Variants in MICAL2 observed in about 807,000 individuals in gnomAD.
The protein encoded by MICAL2 is microtubule associated monooxygenase, calponin and LIM domain containing 2.
Under a neutral mutation model 127.3 loss-of-function variants are expected in MICAL2, and 77 were observed. The ratio of observed to expected loss-of-function variants is 0.60; its 90% CI spans 0.50 to 0.73. MICAL2 has a LOEUF of 0.73. Ranked by LOEUF, MICAL2 falls within the 30% of genes least tolerant of loss-of-function variation. The probability of loss-of-function intolerance (pLI) is 0.00; values close to 1 mark genes in which losing one functional copy is unlikely to be tolerated. For synonymous variants in MICAL2, 570 were observed against 551.1 expected, an observed-to-expected ratio of 1.03 and a Z score of -0.48; for missense variants, 1,351 against 1,434.4, an observed-to-expected ratio of 0.94 and a Z score of 0.94.
intron 10 of MICAL2, among the ~76,000 whole-genome samples, chr11:12,222,199 G>A (rs972437270): frequency 3.9e-4 from 60 of 152,182 alleles, no homozygotes; most frequent in African/African-American, 1.4e-3. Context: ...TGCTGGCCAC[G>A]TGGCTGTGAC....
At chr11:12,141,913 C>T (rs936666476) in intron 2 of MICAL2, among the ~76,000 whole-genome samples, 4 of 152,226 alleles carry the variant, frequency 2.6e-5, no homozygotes, top group African/African-American at 4.8e-5. Flanking sequence ...GTGGATTTGT[C>T]TCTAACATTT....
chr11:12,338,748 A>G (rs1435295677), intron 32 of MICAL2, among the ~76,000 whole-genome samples: 1 of 152,214 alleles, frequency 6.6e-6, no homozygotes, highest in Non-Finnish European at 1.5e-5. Context: ...TTCTGGGTTG[A>G]AAATTCTTTT....
chr11:12,156,315 ATGGAAAGGGGCT>A (rs1335603964), intron 2 of MICAL2, among the ~76,000 whole-genome samples: 2 of 152,202 alleles, frequency 1.3e-5, no homozygotes, highest in African/African-American at 2.4e-5. Context: ...TTCAGTGTGC[ATGGAAAGGGGCT>A]TGGGCTTCCT....
downstream of MICAL2, chr11:12,292,095 T>A (rs950411813): frequency 8.9e-6 from 14 of 1,571,092 alleles, no homozygotes; most frequent in Middle Eastern, 1.7e-4. Context: ...CTTTTCTTGA[T>A]AAAATAATAA....
At chr11:12,360,589 A>C (rs529970302), downstream of MICAL2, among the ~76,000 whole-genome samples, 216 of 152,346 alleles carry the variant, frequency 1.4e-3, 2 homozygotes, top group African/African-American at 5.1e-3. Context: ...TTAACAGATG[A>C]TGTTCAAGCG....
At chr11:12,337,608 T>G (rs968624864) in intron 32 of MICAL2, among the ~76,000 whole-genome samples, 4 of 152,278 alleles carry the variant, frequency 2.6e-5, no homozygotes, top group Admixed American at 2.6e-4. Context: ...TAAATTTCCC[T>G]CTACACACTG....
At chr11:12,206,543 G>A (rs1854710775) in intron 4 of MICAL2, among the ~76,000 whole-genome samples, 1 of 152,152 alleles carries the variant, frequency 6.6e-6, no homozygotes, top group Non-Finnish European at 1.5e-5. Flanking sequence ...CATGGCAGGA[G>A]GTGGATTGGG....
intron 29 of MICAL2, among the ~76,000 whole-genome samples, chr11:12,309,018 G>T (rs1864143945): frequency 6.6e-6 from 1 of 152,140 alleles, no homozygotes; most frequent in Non-Finnish European, 1.5e-5. Flanking sequence ...TGTGCTAAAT[G>T]ACATAATTTT....
chr11:12,269,084 C>G (rs185008718), intron 24 of MICAL2, among the ~76,000 whole-genome samples: 2,061 of 152,266 alleles, frequency 0.014, 46 homozygotes, highest in African/African-American at 0.046. Flanking sequence ...TTTCCCATCC[C>G]CAACCCACAC....
At chr11:12,347,234 C>A (rs1315559328) in intron 32 of MICAL2, among the ~76,000 whole-genome samples, 2 of 152,202 alleles carry the variant, frequency 1.3e-5, no homozygotes, top group South Asian at 2.1e-4. Context: ...CAGCCTCACA[C>A]CCTGATCAGG....
intron 32 of MICAL2, among the ~76,000 whole-genome samples, chr11:12,330,527 A>C (rs1436292984): frequency 6.6e-6 from 1 of 152,136 alleles, no homozygotes; most frequent in Non-Finnish European, 1.5e-5. Flanking sequence ...GGAGTTATTC[A>C]TTAGGCGGGC....
intron 6 of MICAL2, among the ~76,000 whole-genome samples, chr11:12,211,243 T>C (rs1424465710): frequency 6.6e-6 from 1 of 152,016 alleles, no homozygotes; most frequent in Non-Finnish European, 1.5e-5. Flanking sequence ...TAGCCGGGCA[T>C]GGTGGCACGT....
At chr11:12,252,167 C>A (rs1861633737) in intron 22 of MICAL2, among the ~76,000 whole-genome samples, 1 of 152,138 alleles carries the variant, frequency 6.6e-6, no homozygotes, top group Non-Finnish European at 1.5e-5. Context: ...AAGCTGGGGG[C>A]CCCAGCAGGG....
chr11:12,227,586 C>G (rs1283313405), intron 15 of MICAL2, among the ~76,000 whole-genome samples: 1 of 152,170 alleles, frequency 6.6e-6, no homozygotes, highest in Non-Finnish European at 1.5e-5. Context: ...ATATTGGGCT[C>G]TCCTATAGGT....
rs756668212 is a variant in MICAL2 at position 12,162,368 on chromosome 11, G to T, written c.213G>T (p.Lys71Asn). 1 of 1,614,142 alleles carries T rather than the reference G, an allele frequency of 6.2e-7. No individual in the cohort carries two copies. Among genetic ancestry groups the T allele is most frequent in the Non-Finnish European group, 8.5e-7 (1 of 1,180,066 alleles). ...KAKALWYKLD[K>N]RGSHKEYKRG... The stretch of plus-strand genomic sequence containing the variant: ...AAGCCCTGTGGTACAAATTGGATAA[G>T]CGTGGTTCCCACAAAGAGTATAAGC... Residue 71 changes from lysine (K) to asparagine (N), a missense_variant, in exon 3 of 28, where the codon AAG becomes AAT. Transcript: ENST00000683283.
At chr11:12,252,084 A>G (rs1861623263) in intron 22 of MICAL2, among the ~76,000 whole-genome samples, 1 of 152,054 alleles carries the variant, frequency 6.6e-6, no homozygotes, top group African/African-American at 2.4e-5. Context: ...TGAGAATATA[A>G]CTGACCTCCC....
intron 15 of MICAL2, among the ~76,000 whole-genome samples, chr11:12,232,733 T>G (rs917820887): frequency 1.3e-5 from 2 of 150,538 alleles, no homozygotes; most frequent in Non-Finnish European, 2.9e-5. Flanking sequence ...AAAAAGAGAA[T>G]AAATAAAATA....
chr11:12,226,926 T>C (rs1857553110), intron 14 of MICAL2, 99 bp from the exon 15 acceptor site: 2 of 894,656 alleles, frequency 2.2e-6, no homozygotes, highest in African/African-American at 3.3e-5. Flanking sequence ...GTGCTGGGAT[T>C]ACAGGCGTGA....
At chr11:12,296,391 G>C (rs549225952), downstream of MICAL2, among the ~76,000 whole-genome samples, 1 of 151,128 alleles carries the variant, frequency 6.6e-6, no homozygotes, top group African/African-American at 2.4e-5. Context: ...TTTTCAACCA[G>C]GTTCAGGATA....
Sources: allele counts gnomAD v4.1 joint callset (sites outside exome capture counted in the v4.1 genomes callset), GRCh38; gene constraint gnomAD v4.1.1; transcripts MANE v1.5; gene names NCBI Gene and HGNC (gene_info 2026-07-23, HGNC 2026-07-21).